The following HPSE2 variants were observed in gnomAD, a reference collection of about 807,000 sequenced individuals.
The protein encoded by HPSE2 is inactive heparanase-2.
A neutral mutation model predicts 60.5 loss-of-function variants in HPSE2; 38 were observed. That is an observed-to-expected ratio of 0.63 (90% CI 0.48 to 0.82). The LOEUF (loss-of-function observed/expected upper bound fraction) is 0.82. Among genes scored for constraint, HPSE2 ranks in the 40% least tolerant of loss-of-function variants. HPSE2 has a pLI of 0.00. For missense variants in HPSE2, 713 were observed against 740.4 expected (o/e 0.96, Z 0.43); for synonymous variants, 295 against 293.2 (o/e 1.01, Z -0.06).
At chr10:98,844,022 G>A (rs1473196958) in intron 3 of HPSE2, among the ~76,000 whole-genome samples, 1 of 152,126 alleles carries the variant, frequency 6.6e-6, no homozygotes, top group Non-Finnish European at 1.5e-5. Context: ...GATGCTTCTG[G>A]AGAGTTACCC....
chr10:98,883,855 A>C (rs1953093090), intron 3 of HPSE2, among the ~76,000 whole-genome samples: 1 of 152,126 alleles, frequency 6.6e-6, no homozygotes, highest in Non-Finnish European at 1.5e-5. Flanking sequence ...CTAAGTGTTT[A>C]AGTGAAAGAG....
At chr10:98,982,602 C>G (rs2135304435) in intron 3 of HPSE2, among the ~76,000 whole-genome samples, 1 of 152,062 alleles carries the variant, frequency 6.6e-6, no homozygotes, top group East Asian at 1.9e-4. Flanking sequence ...GCAAAGTTGC[C>G]AGTAAGTAAC....
chr10:98,705,486 G>C (rs1948523161), intron 5 of HPSE2, among the ~76,000 whole-genome samples: 1 of 152,100 alleles, frequency 6.6e-6, no homozygotes, highest in African/African-American at 2.4e-5. Flanking sequence ...ATTTACAATA[G>C]CAAAGACATG....
At chr10:98,724,092 G>A (rs1004496894) in intron 4 of HPSE2, among the ~76,000 whole-genome samples, 15 of 152,062 alleles carry the variant, frequency 9.9e-5, no homozygotes, top group Admixed American at 5.9e-4. Context: ...GCTTTCTCTT[G>A]TGGGCATTTA....
intron 3 of HPSE2, among the ~76,000 whole-genome samples, chr10:98,944,608 T>C (rs1179225430): frequency 1.3e-5 from 2 of 152,150 alleles, no homozygotes; most frequent in African/African-American, 4.8e-5. Flanking sequence ...GTATTTCCTC[T>C]GTTCTAGGCA....
chr10:98,765,767 C>T (rs192009390), intron 3 of HPSE2, among the ~76,000 whole-genome samples: 144 of 152,106 alleles, frequency 9.5e-4, no homozygotes, highest in Non-Finnish European at 1.2e-3. Context: ...CACTTGAACC[C>T]TGGTGGCAGA....
chr10:99,106,148 C>T (rs1564811832), intron 3 of HPSE2, among the ~76,000 whole-genome samples: 1 of 152,010 alleles, frequency 6.6e-6, no homozygotes, highest in Admixed American at 6.6e-5. Context: ...TACACAAAAG[C>T]CTACTGGGAT....
intron 5 of HPSE2, among the ~76,000 whole-genome samples, chr10:98,707,964 G>C (rs972328934): frequency 2.0e-5 from 3 of 151,944 alleles, no homozygotes; most frequent in African/African-American, 7.3e-5. Context: ...TTAGTAAGGA[G>C]ATCTATGGAA....
the HPSE2 span, among the ~76,000 whole-genome samples, chr10:99,249,614 G>A: frequency 3.3e-5 from 5 of 152,192 alleles, no homozygotes; most frequent in African/African-American, 4.8e-5. Flanking sequence ...TAAGACTTGG[G>A]AGACTGTTAA....
intron 3 of HPSE2, among the ~76,000 whole-genome samples, chr10:98,795,812 TTGTC>T (rs1195789684): frequency 2.2e-4 from 34 of 152,296 alleles, no homozygotes; most frequent in African/African-American, 7.9e-4. Context: ...AAAGAGGACT[TTGTC>T]TGTATCTTGG....
At chr10:98,487,161 C>T (rs1366137302) in intron 10 of HPSE2, among the ~76,000 whole-genome samples, 1 of 152,216 alleles carries the variant, frequency 6.6e-6, no homozygotes, top group Non-Finnish European at 1.5e-5. Flanking sequence ...AAAGAGGCTT[C>T]CTCATCAAAA....
intron 3 of HPSE2, among the ~76,000 whole-genome samples, chr10:98,878,931 T>G (rs564954558): frequency 6.6e-6 from 1 of 152,080 alleles, no homozygotes; most frequent in East Asian, 1.9e-4. Flanking sequence ...ATTAAATATC[T>G]GGCAAGAGAG....
chr10:99,190,230 T>C (rs1406777002), intron 2 of HPSE2, among the ~76,000 whole-genome samples: 2 of 152,204 alleles, frequency 1.3e-5, no homozygotes, highest in Non-Finnish European at 2.9e-5. Flanking sequence ...GAGTTTTAAC[T>C]AATAGTTCAA....
At chr10:98,987,678 C>A (rs988695751) in intron 3 of HPSE2, among the ~76,000 whole-genome samples, 30 of 152,098 alleles carry the variant, frequency 2.0e-4, no homozygotes, top group African/African-American at 7.2e-4. Context: ...AAAGGGTATT[C>A]AATTAGGAAA....
chr10:99,285,025 A>T, the HPSE2 span, among the ~76,000 whole-genome samples: 1 of 152,182 alleles, frequency 6.6e-6, no homozygotes, highest in African/African-American at 2.4e-5. Context: ...ACAAATAGAC[A>T]ATTCAATTAT....
intron 2 of HPSE2, among the ~76,000 whole-genome samples, chr10:99,196,051 C>T (rs1848387160): frequency 6.6e-6 from 1 of 152,014 alleles, no homozygotes. Flanking sequence ...GAAATAAAAA[C>T]ATACCTCTAC....
chr10:98,638,579 C>G (rs1946560283), intron 7 of HPSE2, among the ~76,000 whole-genome samples: 1 of 152,208 alleles, frequency 6.6e-6, no homozygotes, highest in Non-Finnish European at 1.5e-5. Context: ...GAACCCTCCT[C>G]CCCACCCACC....
intron 2 of HPSE2, among the ~76,000 whole-genome samples, chr10:99,208,684 C>CA (rs143166690): frequency 0.44 from 62,395 of 141,808 alleles, 15,910 homozygotes; most frequent in Non-Finnish European, 0.58. Context: ...GATCCAGTCT[C>CA]AAAAAATAAA....
intron 2 of HPSE2, among the ~76,000 whole-genome samples, chr10:99,191,801 C>T (rs1332286809): frequency 6.6e-6 from 1 of 152,172 alleles, no homozygotes; most frequent in African/African-American, 2.4e-5. Context: ...AGGGACCAAT[C>T]CTGGAGAGGC....
Sources: gnomAD v4.1 joint callset for allele counts (sites outside exome capture counted in the v4.1 genomes callset) on GRCh38, gnomAD v4.1.1 for gene constraint, MANE v1.5 for transcripts, NCBI Gene and HGNC (gene_info 2026-07-23, HGNC 2026-07-21) for gene names.